Variants in LBH observed in about 807,000 individuals in gnomAD.
LBH encodes the protein LBH regulator of Wnt signaling pathway.
In LBH, 7 loss-of-function variants were observed where a neutral mutation model predicts 12.5. The observed-to-expected ratio is 0.56, with a 90% CI of 0.32 to 1.05. The LOEUF (loss-of-function observed/expected upper bound fraction) is 1.05, where lower values mean the gene tolerates loss of function less well. LBH is among the 50% of genes least tolerant of loss of function. LBH has a pLI of 0.04. For synonymous variants in LBH, 51 were observed against 50.1 expected (o/e 1.02, Z -0.08); for missense variants, 119 against 138.9 (o/e 0.86, Z 0.72).
In LBH at chr2:30,259,011, C is replaced by G. The variant is rs571430307; in HGVS notation, c.*1390C>G. ...TAGGATTTCTTATTGTAGCTAAGAG[C>G]CATCTGAAGCAGCAGGTTGCAGGAC... On this transcript the variant is annotated 3_prime_UTR_variant, in exon 3 of 3. Coordinates refer to ENST00000395323, the MANE Select transcript of LBH (RefSeq NM_030915.4). 6.5e-6 allele frequency: 1 copy of G among 152,726 alleles called. No individual in the cohort carries two copies. Among genetic ancestry groups the G allele is most frequent in the African/African-American group, 2.4e-5 (1 of 41,558 alleles). 9.5% of individuals were successfully genotyped at this position (152,726 alleles called of 1,614,324 possible).
At chr2:30,250,904 A>G (rs567013638) in intron 2 of LBH, among the ~76,000 whole-genome samples, 4 of 152,090 alleles carry the variant, frequency 2.6e-5, no homozygotes, top group South Asian at 4.2e-4. Context: ...TAAATCATCA[A>G]TCCAACGAGG....
intron 1 of LBH, chr2:30,232,369 G>A: frequency 3.0e-6 from 3 of 987,442 alleles, no homozygotes; most frequent in Non-Finnish European, 4.2e-6. Flanking sequence ...GGTGGGGGCC[G>A]GGACTGGGAG....
chr2:30,251,738 C>A (rs571646963), intron 2 of LBH, among the ~76,000 whole-genome samples: 63 of 148,366 alleles, frequency 4.2e-4, no homozygotes, highest in African/African-American at 1.6e-3. Context: ...TTTTTATTAA[C>A]AGAAATTTAT....
chr2:30,257,009 A>G (rs1039280070), intron 2 of LBH, among the ~76,000 whole-genome samples: 4 of 152,240 alleles, frequency 2.6e-5, no homozygotes, highest in Non-Finnish European at 5.9e-5. Flanking sequence ...CTTAGTGCCA[A>G]TAATTATTCC....
chr2:30,240,113 A>T (rs1473591), intron 2 of LBH, among the ~76,000 whole-genome samples: 2 of 152,088 alleles, frequency 1.3e-5, no homozygotes, highest in East Asian at 3.9e-4. Context: ...GCTGTGTCTT[A>T]GGCTGCTCTT....
At chr2:30,254,612 T>C (rs1318808951) in intron 2 of LBH, among the ~76,000 whole-genome samples, 4 of 140,032 alleles carry the variant, frequency 2.9e-5, no homozygotes, top group Non-Finnish European at 4.7e-5. Context: ...TTCCTCCTCC[T>C]CCTCCCCCTC....
Position 30,241,522 on chromosome 2 carries a change from C to T in LBH, c.129+7015C>T, listed in dbSNP as rs536364560. On this transcript the variant is annotated intron_variant, in intron 2 of 2. Transcript: ENST00000395323. ...TTGCCCAGGCTGAAGTGCAATGGTG[C>T]GATCTCAGCTCACTGCAACCTCCGC... Among the ~76,000 whole-genome samples, 63 of 141,736 alleles carry T rather than the reference C, an allele frequency of 4.4e-4. No homozygotes were observed. In the Middle Eastern group the frequency reaches 0.013, roughly 29 times the overall value. 93.0% of individuals were successfully genotyped at this position (141,736 alleles called of 152,430 possible).
chr2:30,257,618 G>A lies in LBH; in HGVS notation c.315G>A (p.Gln105=), dbSNP rs758537890. 7 of 1,607,530 alleles carry A rather than the reference G, an allele frequency of 4.4e-6. No individual in the cohort carries two copies. The Admixed American group carries it at 1.0e-4, about 23-fold the overall frequency. Residue 105 remains glutamine (Q), a synonymous_variant, in exon 3 of 3, where the codon CAG becomes CAA. Coordinates refer to ENST00000395323, the MANE Select transcript of LBH (RefSeq NM_030915.4). ...CEETAKENKE[Q] ...AGACAGCGAAAGAAAATAAAGAGCA[G>A]TAGAGTCCCTGTGGACTCCCATGGG...
intron 2 of LBH, among the ~76,000 whole-genome samples, chr2:30,246,160 T>C (rs1558388352): frequency 6.6e-6 from 1 of 151,842 alleles, no homozygotes; most frequent in Non-Finnish European, 1.5e-5. Context: ...GGTTTTGCCA[T>C]GTTGGCCAGG....
intron 2 of LBH, among the ~76,000 whole-genome samples, chr2:30,235,173 A>G (rs1426083629): frequency 6.6e-6 from 1 of 152,144 alleles, no homozygotes; most frequent in African/African-American, 2.4e-5. Context: ...CTCTTACCCC[A>G]GCCCTCTCTC....
In LBH at chr2:30,231,697, T is replaced by C. The variant is rs763465287; in HGVS notation, c.-42T>C. ...TCCTCACTCGGGACGCAGGGACCGT[T>C]TTTAAATCACAGGGGCGTGTGTCAG... On this transcript the variant is annotated 5_prime_UTR_variant, in exon 1 of 3. Transcript: ENST00000395323. 6.3e-7 allele frequency: 1 copy of C among 1,584,282 alleles called. No homozygotes were observed. The highest frequency in any genetic ancestry group is 8.6e-7 in the Non-Finnish European group (1 of 1,163,092).
At chr2:30,236,859 G>A (rs1187750356) in intron 2 of LBH, among the ~76,000 whole-genome samples, 1 of 152,220 alleles carries the variant, frequency 6.6e-6, no homozygotes, top group East Asian at 1.9e-4. Context: ...AGAAAATTAG[G>A]ACTTTGAGAG....
rs147469037 is a variant in LBH, at chr2:30,239,535, A to G, written c.129+5028A>G. Among the ~76,000 whole-genome samples, 414 of 152,320 alleles carry G rather than the reference A, an allele frequency of 2.7e-3. 4 individuals are homozygous for G. The highest frequency in any genetic ancestry group is 9.3e-3 in the African/African-American group (385 of 41,566). ...ACATCTTTCACAATGTCAGACTTAAAAGGCCTCAGTAGTCCCTGGAGAGAC... is the reference window on the plus strand; with the variant it reads ...ACATCTTTCACAATGTCAGACTTAAGAGGCCTCAGTAGTCCCTGGAGAGAC... On this transcript the variant is annotated intron_variant, in intron 2 of 2. Coordinates refer to ENST00000395323, the MANE Select transcript of LBH (RefSeq NM_030915.4).
Position 30,257,625 on chromosome 2 carries a change from C to A in LBH, c.*4C>A. 1 of 1,598,906 alleles carries A rather than the reference C, an allele frequency of 6.3e-7. No homozygotes were observed. Among genetic ancestry groups the A allele is most frequent in the Non-Finnish European group, 8.5e-7 (1 of 1,170,620 alleles). On this transcript the variant is annotated 3_prime_UTR_variant, in exon 3 of 3. Coordinates refer to ENST00000395323, the MANE Select transcript of LBH (RefSeq NM_030915.4). ...GAAAGAAAATAAAGAGCAGTAGAGT[C>A]CCTGTGGACTCCCATGGGTCATACC... is the stretch of plus-strand genomic sequence containing the variant.
At chr2:30,247,870 T>C (rs1677902870) in intron 2 of LBH, among the ~76,000 whole-genome samples, 1 of 152,258 alleles carries the variant, frequency 6.6e-6, no homozygotes, top group South Asian at 2.1e-4. Flanking sequence ...GCTGCCACTA[T>C]GTTAATTCTC....
intron 2 of LBH, among the ~76,000 whole-genome samples, chr2:30,255,038 G>A (rs1396048133): frequency 2.0e-5 from 3 of 152,266 alleles, no homozygotes; most frequent in East Asian, 1.9e-4. Flanking sequence ...ACTGAAAACA[G>A]CAGATGTAGG....
intron 1 of LBH, chr2:30,232,443 C>A: frequency 1.9e-6 from 1 of 525,150 alleles, no homozygotes; most frequent in Non-Finnish European, 3.2e-6. Context: ...CGGAGGTTTG[C>A]CCCGGACTGG....
intron 2 of LBH, among the ~76,000 whole-genome samples, chr2:30,239,279 T>C (rs1386122209): frequency 2.0e-5 from 3 of 152,226 alleles, no homozygotes; most frequent in African/African-American, 7.2e-5. Flanking sequence ...CTGGGTGGAA[T>C]GCGTGTGTGG....
chr2:30,231,843 C>T lies in LBH; in HGVS notation c.26+79C>T, dbSNP rs1026319842. On this transcript the variant is annotated intron_variant, in intron 1 of 2. Transcript: ENST00000395323. ...CCGGGCGCCTGCTTCGTGCCGGCTC[C>T]GGGTGCGAGGGCAGCCGGCGGCGCG... 52 of 1,348,774 alleles carry T rather than the reference C, an allele frequency of 3.9e-5. No homozygotes were observed. In the East Asian group the frequency reaches 1.3e-3, roughly 35 times the overall value. The allele number at this position is 1,348,774 out of a possible 1,614,324, so 83.6% of individuals were successfully genotyped here. A position where few individuals can be genotyped will look rare whatever the true frequency, so the allele number is the denominator to read the frequency against.
Sources: allele counts gnomAD v4.1 joint callset (sites outside exome capture counted in the v4.1 genomes callset), GRCh38; gene constraint gnomAD v4.1.1; transcripts MANE v1.5; gene names NCBI Gene and HGNC (gene_info 2026-07-23, HGNC 2026-07-21).